Variants in YIF1B observed in about 807,000 individuals in gnomAD.
YIF1B encodes the protein protein YIF1B.
In YIF1B, 24 loss-of-function variants were observed where a neutral mutation model predicts 34.6. The ratio of observed to expected loss-of-function variants is 0.69; its 90% CI spans 0.50 to 0.98. The LOEUF is 0.98. YIF1B is among the 50% of genes least tolerant of loss of function. The pLI is 0.00. For synonymous variants in YIF1B, 186 were observed against 184.8 expected, an observed-to-expected ratio of 1.01 and a Z score of -0.05; for missense variants, 368 against 429.4, an observed-to-expected ratio of 0.86 and a Z score of 1.26.
At position 38,309,245 on chromosome 19, in the gene YIF1B, C is replaced by G; in HGVS notation, c.381G>C (p.Leu127=). Residue 127 remains leucine, a synonymous_variant, in exon 3 of 8, where the codon CTG becomes CTC. Transcript: ENST00000339413. ...TGACCTGGTGTAGGTAGGGGAAGAA[C>G]AGCAGGCCCAGCTTTCTGCCCACAT... ...TMYVGRKLGL[L]FFPYLHQDWE... 6.2e-7 allele frequency: 1 copy of G among 1,614,034 alleles called. No individual in the cohort carries two copies. Among genetic ancestry groups the G allele is most frequent in the Non-Finnish European group, 8.5e-7 (1 of 1,179,954 alleles).
upstream of YIF1B, chr19:38,316,057 C>G (rs1211232261): frequency 3.2e-6 from 4 of 1,247,188 alleles, no homozygotes; most frequent in East Asian, 9.5e-5. Context: ...CCCTCCAGCC[C>G]CCCCCTTCAC....
rs772301397 is a variant in YIF1B at position 38,304,886 on chromosome 19, C to A, written c.*466G>T. On this transcript the variant is annotated 3_prime_UTR_variant, in exon 8 of 8. Transcript: ENST00000339413. Reference sequence around the variant, plus strand: ...CCAAGCAGCACGAGAGCATCCCGGGCAAGGCCAAGAAGCCCAAAGTGAAGA... The same window carrying A: ...CCAAGCAGCACGAGAGCATCCCGGGAAAGGCCAAGAAGCCCAAAGTGAAGA... 5.6e-6 allele frequency: 9 copies of A among 1,613,342 alleles called. No homozygotes were observed. The highest frequency in any genetic ancestry group is 4.5e-5 in the East Asian group (2 of 44,852).
intron 1 of YIF1B, 30 bp from the exon 2 acceptor site, chr19:38,309,673 G>A (rs1277260986): frequency 1.3e-6 from 2 of 1,582,214 alleles, no homozygotes; most frequent in South Asian, 1.1e-5. Flanking sequence ...GAAGGAGCTG[G>A]GGACCCAGGA....
Position 38,307,622 on chromosome 19 carries a change from C to A in YIF1B, c.670G>T (p.Ala224Ser), listed in dbSNP as rs1270995711. The change falls in exon 6 of 8, where the codon GCC (alanine) becomes TCC (serine). Residue 224 changes from alanine to serine, a missense_variant. Coordinates refer to ENST00000339413, the MANE Select transcript of YIF1B (RefSeq NM_001039672.3). Reference protein sequence around the residue: ...NTDLTTIDLVAFLGYKYVGMI... With the variant: ...NTDLTTIDLVSFLGYKYVGMI... ...CCGACATATTTGTAGCCCAAGAAGGCCACCAGGTCGATGGTGGTGAGGTCG... is the reference window on the plus strand; with the variant it reads ...CCGACATATTTGTAGCCCAAGAAGGACACCAGGTCGATGGTGGTGAGGTCG... The A allele has an allele frequency of 6.2e-7, 1 of 1,613,858 alleles. No individual in the cohort carries two copies. Among genetic ancestry groups the A allele is most frequent in the Non-Finnish European group, 8.5e-7 (1 of 1,180,000 alleles).
At chr19:38,320,075 C>G, upstream of YIF1B, 2 of 1,528,678 alleles carry the variant, frequency 1.3e-6, no homozygotes, top group South Asian at 1.2e-5. Flanking sequence ...GAGCTGGAGA[C>G]GCTGCGGGCG....
rs761403759 is a variant in YIF1B, at chr19:38,309,603, G to A, written c.99C>T (p.Ala33=). The change falls in exon 2 of 8, where the codon GCC becomes GCT. Residue 33 remains alanine, a synonymous_variant. Coordinates refer to ENST00000339413, the MANE Select transcript of YIF1B (RefSeq NM_001039672.3). ...TGTCATCGAAAAGCTGGTGGGGGTCGGCCATGCCCGGCTGGGACACAGGGA... is the reference window on the plus strand; with the variant it reads ...TGTCATCGAAAAGCTGGTGGGGGTCAGCCATGCCCGGCTGGGACACAGGGA... ...RRIPVSQPGM[A]DPHQLFDDTS... 21 of 1,598,606 alleles carry A rather than the reference G, an allele frequency of 1.3e-5. No homozygotes were observed. The highest frequency in any genetic ancestry group is 2.3e-5 in the South Asian group (2 of 88,740).
rs2304176 is a variant in YIF1B at position 38,304,255 on chromosome 19, T to G, written c.*1097A>C. ...CTTGGCCTTAGGACCCAACTTCTCT[T>G]ACCGCCATGGAGTTCGACCTGGGAG... On this transcript the variant is annotated 3_prime_UTR_variant, in exon 8 of 8. Coordinates refer to ENST00000339413, the MANE Select transcript of YIF1B (RefSeq NM_001039672.3). 1 of 1,613,024 alleles carries G rather than the reference T, an allele frequency of 6.2e-7. No homozygotes were observed. The highest frequency in any genetic ancestry group is 8.5e-7 in the Non-Finnish European group (1 of 1,179,862).
chr19:38,304,455 G>C lies in YIF1B; in HGVS notation c.*897C>G. 1 of 1,556,818 alleles carries C rather than the reference G, an allele frequency of 6.4e-7. No individual in the cohort carries two copies. Among genetic ancestry groups the C allele is most frequent in the Non-Finnish European group, 8.7e-7 (1 of 1,150,728 alleles). The stretch of plus-strand genomic sequence containing the variant: ...CAAGCTCAGTCCCCACAAAGTTCAG[G>C]GCCGGTCGGAGGCAGGGGCAGGTCC... On this transcript the variant is annotated 3_prime_UTR_variant, in exon 8 of 8. Coordinates refer to ENST00000339413, the MANE Select transcript of YIF1B (RefSeq NM_001039672.3).
rs1600366199 is a variant in YIF1B at position 38,304,089 on chromosome 19, G to T, written c.*1263C>A. On this transcript the variant is annotated 3_prime_UTR_variant, in exon 8 of 8. Coordinates refer to ENST00000339413, the MANE Select transcript of YIF1B (RefSeq NM_001039672.3). ...CTGTCCATCTCCCCCACTTCTCACAGAGGAAATCCTGGGTGGTGCCGGGCA... is the reference window on the plus strand; with the variant it reads ...CTGTCCATCTCCCCCACTTCTCACATAGGAAATCCTGGGTGGTGCCGGGCA... 1 of 795,218 alleles carries T rather than the reference G, an allele frequency of 1.3e-6. No homozygotes were observed. Among genetic ancestry groups the T allele is most frequent in the Non-Finnish European group, 2.0e-6 (1 of 510,820 alleles). The allele number at this position is 795,218 out of a possible 1,614,324, so 49.3% of individuals were successfully genotyped here.
intron 7 of YIF1B, chr19:38,307,004 A>C (rs1338849666): frequency 2.1e-6 from 1 of 475,312 alleles, no homozygotes; most frequent in Non-Finnish European, 4.4e-6. Context: ...AATTTAAAGA[A>C]AGGAAGTGAT....
At chr19:38,307,292 G>T in intron 7 of YIF1B, 136 bp downstream of exon 7, 1 of 936,960 alleles carries the variant, frequency 1.1e-6, no homozygotes, top group Non-Finnish European at 1.6e-6. Flanking sequence ...CCCCCAGGCC[G>T]GGCAGCCACT....
Position 38,304,386 on chromosome 19 carries a change from A to G in YIF1B, c.*966T>C, listed in dbSNP as rs1259333355. The G allele has an allele frequency of 1.3e-6, 2 of 1,580,214 alleles. No individual in the cohort carries two copies. Among genetic ancestry groups the G allele is most frequent in the Admixed American group, 1.9e-5 (1 of 53,348 alleles). On this transcript the variant is annotated 3_prime_UTR_variant, in exon 8 of 8. Transcript: ENST00000339413. Reference sequence around the variant, plus strand: ...ACTTCTCTCCACAGCCCTGGAGCCCACCTCCCAGAAGCCCGGTGTGGGGGC... The same window carrying G: ...ACTTCTCTCCACAGCCCTGGAGCCCGCCTCCCAGAAGCCCGGTGTGGGGGC...
At chr19:38,315,807 G>A (rs1198486307) in intron 1 of YIF1B, 53 bp downstream of exon 1, 1 of 1,507,308 alleles carries the variant, frequency 6.6e-7, no homozygotes, top group African/African-American at 1.4e-5. Flanking sequence ...GCCAACCGAC[G>A]CGGCCGCCCC....
At chr19:38,315,441 G>C (rs1969506121) in intron 1 of YIF1B, 2 of 1,316,976 alleles carry the variant, frequency 1.5e-6, no homozygotes, top group Non-Finnish European at 1.9e-6. Flanking sequence ...GAAGAGACAG[G>C]AAAAGGGGGC....
Position 38,309,023 on chromosome 19 carries a change from A to G in YIF1B, c.437T>C (p.Val146Ala), listed in dbSNP as rs1249530042. 6.4e-7 allele frequency: 1 copy of G among 1,563,728 alleles called. No homozygotes were observed. The highest frequency in any genetic ancestry group is 1.2e-5 in the South Asian group (1 of 84,304). Residue 146 changes from valine to alanine, a missense_variant, in exon 4 of 8, where the codon GTG becomes GCG. This residue lies in a region of YIF1B where 208 missense variants were observed against 247.8 expected (regional missense o/e 0.84). Coordinates refer to ENST00000339413, the MANE Select transcript of YIF1B (RefSeq NM_001039672.3). ...WEVQYQQDTP[V>A]APRFDVNAPD... ...GGCATTGACGTCAAAGCGGGGGGCC[A>G]CCGGGGTGTCCTGTTGGTACTGCAC...
chr19:38,315,476 C>A, intron 1 of YIF1B: 2 of 1,390,502 alleles, frequency 1.4e-6, no homozygotes, highest in Non-Finnish European at 1.9e-6. Flanking sequence ...AGGTTCGCTT[C>A]TTAAATGAGC....
Position 38,315,894 on chromosome 19 carries a change from C to T in YIF1B, c.24G>A (p.Ala8=), listed in dbSNP as rs1251022839. 16 of 1,483,880 alleles carry T rather than the reference C, an allele frequency of 1.1e-5. No individual in the cohort carries two copies. The highest frequency in any genetic ancestry group is 1.4e-5 in the Non-Finnish European group (16 of 1,125,806). The allele number at this position is 1,483,880 out of a possible 1,614,324, so 91.9% of individuals were successfully genotyped here. A position where few individuals can be genotyped will look rare whatever the true frequency, so the allele number is the denominator to read the frequency against. ...GCAGCCGGGGCGTCCCCGCAGCCGC[C>T]GCCGCCAAGCCTGCCGGGTGCATCC... MHPAGLA[A]AAAGTPRLRK... is the part of the protein sequence containing the mutation. The change falls in exon 1 of 8, where the codon GCG becomes GCA. Residue 8 remains alanine (A), a synonymous_variant. Coordinates refer to ENST00000339413, the MANE Select transcript of YIF1B (RefSeq NM_001039672.3).
intron 5 of YIF1B, among the ~76,000 whole-genome samples, chr19:38,308,190 G>A (rs1332361686): frequency 6.6e-6 from 1 of 152,182 alleles, no homozygotes; most frequent in East Asian, 1.9e-4. Flanking sequence ...TAGCCTGGGG[G>A]GCAGGAAGGC....
At chr19:38,315,651 T>C (rs1969516212) in intron 1 of YIF1B, 2 of 1,571,424 alleles carry the variant, frequency 1.3e-6, no homozygotes, top group Admixed American at 3.7e-5. Context: ...TCGCACGCTA[T>C]CCAGTCCCAA....
Sources: gnomAD v4.1 joint callset for allele counts (sites outside exome capture counted in the v4.1 genomes callset) on GRCh38, gnomAD v4.1.1 for gene constraint, gnomAD v4.1.1 regional missense constraint, MANE v1.5 for transcripts, NCBI Gene and HGNC (gene_info 2026-07-23, HGNC 2026-07-21) for gene names.